Variants in CIB1 observed in about 807,000 individuals in gnomAD.
CIB1 encodes the protein calcium and integrin binding 1, also known as calcium and integrin-binding protein 1.
In CIB1, 19 loss-of-function variants were observed where a neutral mutation model predicts 25.0. The ratio of observed to expected loss-of-function variants is 0.76; its 90% confidence interval spans 0.53 to 1.12. The LOEUF (loss-of-function observed/expected upper bound fraction) is 1.12. CIB1 is among the 50% of genes most tolerant of loss of function. The pLI is 0.00. For missense variants in CIB1, 236 were observed against 242.6 expected (o/e 0.97, Z 0.18); for synonymous variants, 104 against 98.5 (o/e 1.06, Z -0.33).
the CIB1 span, among the ~76,000 whole-genome samples, chr15:90,248,758 A>G: frequency 8.6e-6 from 1 of 116,696 alleles, no homozygotes; most frequent in African/African-American, 3.4e-5. Context: ...AAAAAAAAAA[A>G]GTCCATGTCT....
At chr15:90,240,821 A>T in the CIB1 span, 138,033 of 948,450 alleles carry the variant, frequency 0.15, 11,945 homozygotes, top group African/African-American at 0.24. Flanking sequence ...CTCAAAAAAA[A>T]AAATAAATAA....
rs775347344 is a variant in CIB1 at position 90,232,205 on chromosome 15, G to A, written c.195+14C>T. Reference sequence around the variant, plus strand: ...AGTGGTGGGAGAGGTGTCAAAGGAGGGGAGCGCTTGCACCTTGAGCTCTGG... The same window carrying A: ...AGTGGTGGGAGAGGTGTCAAAGGAGAGGAGCGCTTGCACCTTGAGCTCTGG... On this transcript the variant is annotated intron_variant, in intron 3 of 6. Transcript: ENST00000328649. The A allele has an allele frequency of 1.2e-5, 19 of 1,598,884 alleles. No homozygotes were observed. Among genetic ancestry groups the A allele is most frequent in the Middle Eastern group, 1.7e-4 (1 of 6,030 alleles).
At chr15:90,235,026 T>G (rs916084451), upstream of CIB1, among the ~76,000 whole-genome samples, 9 of 152,170 alleles carry the variant, frequency 5.9e-5, no homozygotes, top group Non-Finnish European at 1.3e-4. Context: ...TAGTCTCAGT[T>G]TATAACCATT....
At chr15:90,249,490 C>A in the CIB1 span, 2 of 152,132 alleles carry the variant, frequency 1.3e-5, no homozygotes, top group Non-Finnish European at 2.9e-5. Flanking sequence ...AGCCCCGCCC[C>A]CAGGACGCTT....
the CIB1 span, among the ~76,000 whole-genome samples, chr15:90,253,766 G>A: frequency 6.6e-5 from 10 of 152,302 alleles, no homozygotes; most frequent in East Asian, 1.2e-3. Context: ...AGGAGACTGC[G>A]GGGTCCTGCC....
chr15:90,240,813 CAAAA>C, the CIB1 span: 14 of 698,410 alleles, frequency 2.0e-5, no homozygotes, highest in Non-Finnish European at 2.6e-5. Flanking sequence ...GACTCCATCT[CAAAA>C]AAAAAAATAA....
the CIB1 span, chr15:90,257,238 G>A: frequency 6.2e-6 from 10 of 1,612,982 alleles, no homozygotes; most frequent in East Asian, 2.2e-5. Flanking sequence ...GGCCTAGCCC[G>A]TTTTGCCACC....
At chr15:90,257,050 A>T in the CIB1 span, 1 of 1,254,848 alleles carries the variant, frequency 8.0e-7, no homozygotes, top group Non-Finnish European at 1.1e-6. Context: ...TGGAAATTCA[A>T]TTAGCTATGT....
the CIB1 span, chr15:90,256,422 G>A: frequency 8.3e-7 from 1 of 1,200,622 alleles, no homozygotes. Flanking sequence ...CCGTTTTCCT[G>A]GAGGCAGTAT....
At chr15:90,234,766 AC>A (rs1962596209), upstream of CIB1, among the ~76,000 whole-genome samples, 1 of 151,690 alleles carries the variant, frequency 6.6e-6, no homozygotes, top group Non-Finnish European at 1.5e-5. Context: ...ACTCCATCTC[AC>A]CCCTAGACTG....
the CIB1 span, chr15:90,265,343 C>G: frequency 1.6e-6 from 2 of 1,223,382 alleles, no homozygotes; most frequent in Non-Finnish European, 2.0e-6. Context: ...ACTGGGCTGT[C>G]GCCGTCAGAA....
chr15:90,233,608 G>GC, intron 2 of CIB1, 61 bp downstream of exon 2: 1 of 1,537,142 alleles, frequency 6.5e-7, no homozygotes. Flanking sequence ...TCGGGACAGC[G>GC]CCCCCGAAGC....
the CIB1 span, among the ~76,000 whole-genome samples, chr15:90,248,744 A>C: frequency 6.9e-6 from 1 of 144,576 alleles, no homozygotes. Context: ...AAAAAAAAAA[A>C]AAAAAAAAAA....
rs1276109674 is a variant in CIB1 at position 90,230,079 on chromosome 15, CCTG to C, written c.*402_*404del. ...CAGGATACAGGCGAGTCCCACACCT[CCTG>C]CTGCCCCTTCATCCTCACACCCTCC... On this transcript the variant is annotated 3_prime_UTR_variant, in exon 7 of 7. Transcript: ENST00000328649. 3.8e-6 allele frequency: 1 copy of C among 261,154 alleles called. No homozygotes were observed. The highest frequency in any genetic ancestry group is 2.3e-5 in the African/African-American group (1 of 44,372). The allele number at this position is 261,154 out of a possible 1,614,324, so 16.2% of individuals were successfully genotyped here.
chr15:90,263,066 G>A, the CIB1 span: 2 of 1,536,128 alleles, frequency 1.3e-6, no homozygotes, highest in South Asian at 1.2e-5. Flanking sequence ...ACTCTCATCC[G>A]AAGCCTGGGT....
the CIB1 span, chr15:90,242,574 C>T: frequency 1.0e-5 from 1 of 99,778 alleles, no homozygotes; most frequent in East Asian, 3.9e-4. Flanking sequence ...TCCCGAGTAG[C>T]TGGGACTATA....
At chr15:90,248,046 T>G in the CIB1 span, among the ~76,000 whole-genome samples, 567 of 151,884 alleles carry the variant, frequency 3.7e-3, 3 homozygotes, top group African/African-American at 0.012. Flanking sequence ...CGGCCAGATA[T>G]TTGTTTTTTT....
At chr15:90,264,382 C>T in the CIB1 span, among the ~76,000 whole-genome samples, 6 of 152,100 alleles carry the variant, frequency 3.9e-5, no homozygotes, top group Non-Finnish European at 8.8e-5. Flanking sequence ...GTTTTTGCCA[C>T]GTAGCCCAGG....
At chr15:90,261,420 A>G in the CIB1 span, among the ~76,000 whole-genome samples, 3 of 150,248 alleles carry the variant, frequency 2.0e-5, no homozygotes, top group South Asian at 2.1e-4. Context: ...ATATCAAAAC[A>G]TATGTTACTT....
Sources: gnomAD v4.1 joint callset for allele counts (sites outside exome capture counted in the v4.1 genomes callset) on GRCh38, gnomAD v4.1.1 for gene constraint, MANE v1.5 for transcripts, NCBI Gene and HGNC (gene_info 2026-07-23, HGNC 2026-07-21) for gene names.